LEPROTL1: variants seen among roughly 807,000 people sequenced by gnomAD.
LEPROTL1 encodes the protein leptin receptor overlapping transcript-like 1.
In LEPROTL1, 6 loss-of-function variants were observed where a neutral mutation model predicts 15.4. That is an observed-to-expected ratio of 0.39 (90% confidence interval 0.21 to 0.77). The LOEUF is 0.77. Ranked by LOEUF, LEPROTL1 falls within the 30% of genes least tolerant of loss-of-function variation. The pLI, the probability that LEPROTL1 is intolerant of heterozygous loss-of-function variation, is 0.41. For synonymous variants in LEPROTL1, 56 were observed against 52.6 expected, an observed-to-expected ratio of 1.06 and a Z score of -0.28; for missense variants, 128 against 158.1, an observed-to-expected ratio of 0.81 and a Z score of 1.02.
At chr8:30,109,733 G>A (rs1802627472), downstream of LEPROTL1, among the ~76,000 whole-genome samples, 1 of 152,064 alleles carries the variant, frequency 6.6e-6, no homozygotes, top group South Asian at 2.1e-4. Flanking sequence ...AGGCAACCAA[G>A]CTTATTAAAT....
At chr8:30,099,373 C>T (rs1339413824) in intron 1 of LEPROTL1, among the ~76,000 whole-genome samples, 4 of 151,456 alleles carry the variant, frequency 2.6e-5, no homozygotes, top group South Asian at 4.2e-4. Flanking sequence ...GTGGGCAGAT[C>T]GTGAGGTCAA....
intron 1 of LEPROTL1, among the ~76,000 whole-genome samples, chr8:30,098,026 C>T (rs1802401681): frequency 6.6e-6 from 1 of 152,066 alleles, no homozygotes; most frequent in African/African-American, 2.4e-5. Context: ...CAGAGGCCCT[C>T]ATGGTCCTAA....
intron 4 of LEPROTL1, chr8:30,132,714 A>G (rs149476365): frequency 1.3e-5 from 20 of 1,551,646 alleles, no homozygotes; most frequent in Non-Finnish European, 1.7e-5. Context: ...AGGAGCACAG[A>G]GAGCCTCCCA....
intron 3 of LEPROTL1, among the ~76,000 whole-genome samples, chr8:30,116,556 C>T (rs7836593): frequency 0.88 from 134,365 of 152,064 alleles, 59,947 homozygotes; most frequent in South Asian, 0.98. Context: ...TAGTAATGCT[C>T]GCTCACCAGC....
intron 1 of LEPROTL1, among the ~76,000 whole-genome samples, chr8:30,098,336 C>A (rs1802408499): frequency 6.6e-6 from 1 of 152,120 alleles, no homozygotes. Context: ...ATAGATGATT[C>A]TTTAAAATAA....
intron 3 of LEPROTL1, among the ~76,000 whole-genome samples, chr8:30,118,682 G>A (rs892158693): frequency 3.3e-5 from 5 of 152,208 alleles, no homozygotes; most frequent in African/African-American, 1.2e-4. Context: ...ACCGGCACCG[G>A]TTTCTGAGTT....
chr8:30,101,514 A>G (rs939801852), intron 1 of LEPROTL1, among the ~76,000 whole-genome samples: 5 of 152,030 alleles, frequency 3.3e-5, no homozygotes, highest in African/African-American at 7.2e-5. Flanking sequence ...CTGAAAATAG[A>G]AAATTAACAG....
chr8:30,100,459 A>T (rs1030247587), intron 1 of LEPROTL1, among the ~76,000 whole-genome samples: 1 of 151,960 alleles, frequency 6.6e-6, no homozygotes. Context: ...TTATTTATTT[A>T]TTTTTTTTGA....
At position 30,106,173 on chromosome 8, in the gene LEPROTL1, C is replaced by T. The variant is rs146796566; in HGVS notation, c.*311C>T. Reference sequence around the variant, plus strand: ...GTTGATTTTTTTTGGAATCAATATGCAATGTTAAACACTTTTTTAATGTAA... The same window carrying T: ...GTTGATTTTTTTTGGAATCAATATGTAATGTTAAACACTTTTTTAATGTAA... On this transcript the variant is annotated 3_prime_UTR_variant, in exon 4 of 4. Coordinates refer to ENST00000321250, the MANE Select transcript of LEPROTL1 (RefSeq NM_015344.3). The T allele has an allele frequency of 1.6e-5, 16 of 991,252 alleles. No homozygotes were observed. In the African/African-American group the frequency reaches 2.8e-4, roughly 17 times the overall value. 61.4% of individuals were successfully genotyped at this position (991,252 alleles called of 1,614,324 possible). A position where few individuals can be genotyped will look rare whatever the true frequency, so the allele number is the denominator to read the frequency against.
intron 3 of LEPROTL1, among the ~76,000 whole-genome samples, chr8:30,114,199 A>T (rs906734943): frequency 6.6e-6 from 1 of 152,122 alleles, no homozygotes; most frequent in African/African-American, 2.4e-5. Flanking sequence ...TGAGACAATG[A>T]ACCCAGAACC....
intron 1 of LEPROTL1, among the ~76,000 whole-genome samples, chr8:30,098,965 C>T (rs1194861705): frequency 6.6e-6 from 1 of 152,130 alleles, no homozygotes; most frequent in African/African-American, 2.4e-5. Flanking sequence ...AATACTCATC[C>T]CAAATACCCA....
downstream of LEPROTL1, among the ~76,000 whole-genome samples, chr8:30,110,509 G>A (rs1802640252): frequency 2.6e-5 from 4 of 151,922 alleles, no homozygotes; most frequent in East Asian, 1.9e-4. Flanking sequence ...GGGGCGGTGC[G>A]GATCACTTGA....
chr8:30,099,772 A>G (rs1470105718), intron 1 of LEPROTL1, among the ~76,000 whole-genome samples: 1 of 149,024 alleles, frequency 6.7e-6, no homozygotes, highest in Non-Finnish European at 1.5e-5. Flanking sequence ...TGCTCAGTGA[A>G]TATTTCTTGA....
At chr8:30,128,908 T>C (rs998361114) in intron 3 of LEPROTL1, among the ~76,000 whole-genome samples, 26 of 152,004 alleles carry the variant, frequency 1.7e-4, no homozygotes, top group Non-Finnish European at 3.4e-4. Flanking sequence ...TTTTTTTTTT[T>C]TGAGACAGAG....
intron 3 of LEPROTL1, among the ~76,000 whole-genome samples, chr8:30,124,401 C>T (rs1438856557): frequency 3.9e-5 from 6 of 152,150 alleles, no homozygotes; most frequent in Admixed American, 1.3e-4. Flanking sequence ...CAATTCTGAA[C>T]ACATGGCTGT....
chr8:30,132,086 T>C (rs1330733755), intron 3 of LEPROTL1: 7 of 1,551,698 alleles, frequency 4.5e-6, no homozygotes, highest in Non-Finnish European at 6.1e-6. Context: ...TAGGCAATGA[T>C]CAACTGGGTG....
At chr8:30,132,454 A>G (rs1195099803) in exon 4 of LEPROTL1, 1 of 1,551,714 alleles carries the variant, frequency 6.4e-7, no homozygotes, top group Non-Finnish European at 8.7e-7. Flanking sequence ...CGCTGCGTGG[A>G]GGAGGGAGTC....
chr8:30,133,056 A>C, intron 4 of LEPROTL1: 1 of 596,838 alleles, frequency 1.7e-6, no homozygotes, highest in Non-Finnish European at 2.7e-6. Context: ...CACAAAATAA[A>C]TCTTAAAATA....
In LEPROTL1 at chr8:30,105,943, T is replaced by C; in HGVS notation, c.*81T>C. The C allele has an allele frequency of 2.9e-6, 4 of 1,390,930 alleles. No homozygotes were observed. Among genetic ancestry groups the C allele is most frequent in the Non-Finnish European group, 3.8e-6 (4 of 1,061,618 alleles). 86.2% of individuals were successfully genotyped at this position (1,390,930 alleles called of 1,614,324 possible). On this transcript the variant is annotated 3_prime_UTR_variant, in exon 4 of 4. Transcript: ENST00000321250. ...CGCACACAGGAGATGGGGCAGTTAA[T>C]GCTGAATGGTATAGCAAGCCTCTTG...
Sources: allele counts gnomAD v4.1 joint callset (sites outside exome capture counted in the v4.1 genomes callset), GRCh38; gene constraint gnomAD v4.1.1; transcripts MANE v1.5; gene names NCBI Gene and HGNC (gene_info 2026-07-23, HGNC 2026-07-21).